The following RYK variants were observed in gnomAD, a reference collection of about 807,000 sequenced individuals.
The protein encoded by RYK is inactive tyrosine-protein kinase RYK.
A neutral mutation model predicts 70.2 loss-of-function variants in RYK; 21 were observed. The observed-to-expected ratio is 0.30, with a 90% CI of 0.21 to 0.43. The LOEUF (loss-of-function observed/expected upper bound fraction) is 0.43, where lower values mean the gene tolerates loss of function less well. Among genes scored for constraint, RYK ranks in the 20% least tolerant of loss-of-function variants. The pLI is 1.00. For missense variants in RYK, 604 were observed against 753.3 expected, an observed-to-expected ratio of 0.80 and a Z score of 2.32; for synonymous variants, 267 against 278.0, an observed-to-expected ratio of 0.96 and a Z score of 0.39.
Position 134,193,939 on chromosome 3 carries a change from C to T in RYK, c.889+1143G>A, listed in dbSNP as rs923527505. ...AAAGAATGCTCCATGAATGGTACAT[C>T]ATATCCTTGGGTACGAAATACCTAG... On this transcript the variant is annotated intron_variant, in intron 7 of 14. Coordinates refer to ENST00000623711, the MANE Select transcript of RYK (RefSeq NM_002958.4). Among the ~76,000 whole-genome samples, 4 of 152,168 alleles carry T rather than the reference C, an allele frequency of 2.6e-5. 1 individual carries two copies. The highest frequency in any genetic ancestry group is 9.7e-5 in the African/African-American group (4 of 41,444).
intron 2 of RYK, among the ~76,000 whole-genome samples, chr3:134,215,833 T>C (rs1038707041): frequency 2.0e-5 from 3 of 149,506 alleles, no homozygotes; most frequent in African/African-American, 7.4e-5. Flanking sequence ...AGGCCAGGAG[T>C]TCAAGACCAG....
chr3:134,204,191 T>C (rs928350486), intron 5 of RYK, among the ~76,000 whole-genome samples: 4 of 152,096 alleles, frequency 2.6e-5, no homozygotes, highest in Admixed American at 6.5e-5. Context: ...CTCAGCTTTA[T>C]ATTATTTTAA....
At chr3:134,210,356 C>T (rs1010844237) in intron 3 of RYK, among the ~76,000 whole-genome samples, 1 of 152,136 alleles carries the variant, frequency 6.6e-6, no homozygotes, top group Non-Finnish European at 1.5e-5. Flanking sequence ...TGATTTTAAT[C>T]CATAATTGTA....
At chr3:134,236,362 C>T (rs1188717069) in intron 1 of RYK, among the ~76,000 whole-genome samples, 1 of 152,052 alleles carries the variant, frequency 6.6e-6, no homozygotes, top group Non-Finnish European at 1.5e-5. Flanking sequence ...ACAATAGCAT[C>T]CAAAAGAATA....
intron 2 of RYK, among the ~76,000 whole-genome samples, chr3:134,219,757 A>G (rs1254598465): frequency 6.6e-6 from 1 of 152,212 alleles, no homozygotes; most frequent in African/African-American, 2.4e-5. Flanking sequence ...AATTCCTTCT[A>G]TAACAGCCTT....
intron 1 of RYK, among the ~76,000 whole-genome samples, chr3:134,234,674 C>T (rs1256336229): frequency 1.3e-5 from 2 of 152,044 alleles, no homozygotes; most frequent in Non-Finnish European, 2.9e-5. Flanking sequence ...TCAGGAAACA[C>T]CGCAATTATG....
chr3:134,191,074 G>A (rs765829438), intron 8 of RYK, among the ~76,000 whole-genome samples: 1 of 152,144 alleles, frequency 6.6e-6, no homozygotes, highest in African/African-American at 2.4e-5. Context: ...GAATACATAA[G>A]GAGGACTCAT....
At chr3:134,195,843 G>A (rs1327687486) in intron 6 of RYK, among the ~76,000 whole-genome samples, 2 of 152,108 alleles carry the variant, frequency 1.3e-5, no homozygotes, top group South Asian at 2.1e-4. Flanking sequence ...TTACTCGGGA[G>A]GCTGATGCAG....
chr3:134,189,824 A>G (rs1318480434), intron 8 of RYK, among the ~76,000 whole-genome samples: 1 of 152,010 alleles, frequency 6.6e-6, no homozygotes, highest in East Asian at 1.9e-4. Context: ...GTGCTAGGGA[A>G]GGAACTAAGA....
intron 8 of RYK, 56 bp from the exon 9 acceptor site, chr3:134,188,979 C>T: frequency 9.7e-7 from 1 of 1,034,258 alleles, no homozygotes; most frequent in Non-Finnish European, 1.4e-6. Flanking sequence ...AATTATAGTA[C>T]AAAACTTTCT....
intron 1 of RYK, among the ~76,000 whole-genome samples, chr3:134,244,397 C>T (rs1157525514): frequency 6.6e-6 from 1 of 152,144 alleles, no homozygotes; most frequent in Non-Finnish European, 1.5e-5. Context: ...TGCGGTTCTA[C>T]TCTTTGAGTT....
At chr3:134,187,262 A>G (rs1159576136) in intron 9 of RYK, among the ~76,000 whole-genome samples, 1 of 152,202 alleles carries the variant, frequency 6.6e-6, no homozygotes, top group Non-Finnish European at 1.5e-5. Context: ...CCAACTTTTT[A>G]CAACCAATAA....
At chr3:134,162,462 G>A (rs1347657118) in intron 13 of RYK, among the ~76,000 whole-genome samples, 1 of 152,108 alleles carries the variant, frequency 6.6e-6, no homozygotes, top group Non-Finnish European at 1.5e-5. Flanking sequence ...CTATGCTCTG[G>A]GAGGAGGGGG....
intron 13 of RYK, among the ~76,000 whole-genome samples, chr3:134,174,739 G>GAACA (rs2013037117): frequency 6.6e-6 from 1 of 152,030 alleles, no homozygotes; most frequent in Non-Finnish European, 1.5e-5. Context: ...TGTAAAATAT[G>GAACA]AACAAGTGAA....
chr3:134,194,979 G>A (rs189397740), intron 7 of RYK, 103 bp downstream of exon 7: 3 of 800,926 alleles, frequency 3.7e-6, no homozygotes, highest in East Asian at 5.4e-5. Context: ...CTTTAGATAC[G>A]ATTTACACAA....
At chr3:134,174,362 T>C (rs1376046048) in intron 13 of RYK, among the ~76,000 whole-genome samples, 2 of 152,228 alleles carry the variant, frequency 1.3e-5, no homozygotes, top group Non-Finnish European at 1.5e-5. Flanking sequence ...AATGAGTATA[T>C]ACCAATTAAT....
chr3:134,191,787 A>C, intron 8 of RYK, 62 bp downstream of exon 8: 1 of 1,372,082 alleles, frequency 7.3e-7, no homozygotes, highest in Non-Finnish European at 9.8e-7. Context: ...ATTTTTGAAA[A>C]AAGTGTCTAT....
intron 2 of RYK, among the ~76,000 whole-genome samples, chr3:134,220,633 A>G (rs1200015598): frequency 6.6e-6 from 1 of 152,326 alleles, no homozygotes; most frequent in African/African-American, 2.4e-5. Context: ...ACTTCTGAAC[A>G]AAGATGTTCT....
intron 9 of RYK, among the ~76,000 whole-genome samples, chr3:134,186,095 CACTT>C (rs2013449462): frequency 1.3e-5 from 2 of 152,098 alleles, no homozygotes; most frequent in South Asian, 2.1e-4. Flanking sequence ...TAAAAACAAA[CACTT>C]GCTTATTTAC....
Sources: gnomAD v4.1 joint callset for allele counts (sites outside exome capture counted in the v4.1 genomes callset) on GRCh38, gnomAD v4.1.1 for gene constraint, MANE v1.5 for transcripts, NCBI Gene and HGNC (gene_info 2026-07-23, HGNC 2026-07-21) for gene names.